Variants in PCDHA2 observed in about 807,000 individuals in gnomAD.
The protein encoded by PCDHA2 is protocadherin alpha-2.
PCDHA2 carries 58 observed loss-of-function variants against 66.0 expected under a neutral mutation model. The ratio of observed to expected loss-of-function variants is 0.88; its 90% CI spans 0.71 to 1.09. The LOEUF (loss-of-function observed/expected upper bound fraction) is 1.09. PCDHA2 is among the 50% of genes least tolerant of loss of function. The pLI, the probability that PCDHA2 is intolerant of heterozygous loss-of-function variation, is 0.00. For missense variants in PCDHA2, 1,267 were observed against 1,242.3 expected (o/e 1.02, Z -0.30); for synonymous variants, 634 against 554.0 (o/e 1.14, Z -2.03).
chr5:140,870,836 A>G (rs375475405), intron 1 of PCDHA2: 3 of 1,613,796 alleles, frequency 1.9e-6, no homozygotes, highest in Non-Finnish European at 2.5e-6. Flanking sequence ...GCAGTTAACA[A>G]GCTAGTACCG....
At chr5:140,941,310 CTTCT>C (rs2093024652) in intron 1 of PCDHA2, among the ~76,000 whole-genome samples, 1 of 79,250 alleles carries the variant, frequency 1.3e-5, no homozygotes, top group Non-Finnish European at 2.6e-5. Flanking sequence ...CTTTCTTTTT[CTTCT>C]TTCTCTTTTT....
chr5:140,973,125 G>A (rs1417014318), intron 1 of PCDHA2, among the ~76,000 whole-genome samples: 2 of 152,166 alleles, frequency 1.3e-5, no homozygotes, highest in African/African-American at 4.8e-5. Context: ...GATGAATTAA[G>A]TTTGCATTCA....
intron 1 of PCDHA2, chr5:140,849,976 T>A: frequency 1.3e-6 from 2 of 1,597,616 alleles, no homozygotes; most frequent in Non-Finnish European, 1.7e-6. Context: ...TCCTACTCGC[T>A]GGTGGAGCGG....
intron 1 of PCDHA2, among the ~76,000 whole-genome samples, chr5:140,941,246 T>C (rs1332165821): frequency 7.1e-6 from 1 of 141,078 alleles, no homozygotes; most frequent in East Asian, 2.0e-4. Flanking sequence ...TTTCTTTCTT[T>C]CTTTCTTTCT....
At chr5:140,949,290 G>C (rs552572317) in intron 1 of PCDHA2, among the ~76,000 whole-genome samples, 5 of 151,900 alleles carry the variant, frequency 3.3e-5, no homozygotes, top group South Asian at 2.1e-4. Flanking sequence ...TGTATATTCT[G>C]TAATTGTTGG....
At chr5:140,810,567 AT>A (rs1764684632) in intron 1 of PCDHA2, 1 of 152,250 alleles carries the variant, frequency 6.6e-6, no homozygotes, top group Admixed American at 6.5e-5. Flanking sequence ...TTATATTTAA[AT>A]GAAGTTGAGT....
At chr5:140,805,639 A>T (rs1291118758) in intron 1 of PCDHA2, 1 of 873,032 alleles carries the variant, frequency 1.1e-6, no homozygotes, top group Non-Finnish European at 1.4e-6. Context: ...TGGTTTATTT[A>T]TTGGGAAGTC....
At chr5:140,808,049 A>G in intron 1 of PCDHA2, 1 of 1,613,994 alleles carries the variant, frequency 6.2e-7, no homozygotes, top group African/African-American at 1.3e-5. Context: ...TATTTCGCCA[A>G]ATGTGAAATC....
intron 1 of PCDHA2, chr5:140,836,100 A>C (rs2150252810): frequency 8.7e-6 from 14 of 1,613,582 alleles, no homozygotes; most frequent in Non-Finnish European, 1.2e-5. Context: ...GGTGGGTGGC[A>C]CTGGTGGCGC....
rs2042381743 is a variant in PCDHA2 at position 140,852,581 on chromosome 5, T to A, written c.2388+55229T>A. ...GTGAGCCACTGTGCCAAGGCTTTTTTATTTTTTTTTTTTGTCATTTTCTTT... is the reference window on the plus strand; with the variant it reads ...GTGAGCCACTGTGCCAAGGCTTTTTAATTTTTTTTTTTTGTCATTTTCTTT... On this transcript the variant is annotated intron_variant, in intron 1 of 3. Transcript: ENST00000526136. 5 of 832,294 alleles carry A rather than the reference T, an allele frequency of 6.0e-6. 1 individual carries two copies. The highest frequency in any genetic ancestry group is 7.4e-6 in the Non-Finnish European group (5 of 678,338). 51.6% of individuals were successfully genotyped at this position (832,294 alleles called of 1,614,324 possible). A position where few individuals can be genotyped will look rare whatever the true frequency, so the allele number is the denominator to read the frequency against.
At chr5:140,870,746 T>A in intron 1 of PCDHA2, 1 of 1,613,488 alleles carries the variant, frequency 6.2e-7, no homozygotes, top group South Asian at 1.1e-5. Flanking sequence ...AGCAGCAACG[T>A]GACGCTGCAG....
chr5:140,822,987 C>T, intron 1 of PCDHA2: 4 of 1,614,254 alleles, frequency 2.5e-6, no homozygotes, highest in East Asian at 2.2e-5. Flanking sequence ...AGAATTACTA[C>T]TCGTTGGTGC....
intron 1 of PCDHA2, chr5:140,966,228 A>G: frequency 3.6e-6 from 1 of 275,386 alleles, no homozygotes; most frequent in Admixed American, 5.3e-5. Context: ...AATCTCCTTA[A>G]AGACCCGTTA....
chr5:140,984,392 G>C (rs914978799), intron 3 of PCDHA2, among the ~76,000 whole-genome samples: 1 of 152,156 alleles, frequency 6.6e-6, no homozygotes, highest in South Asian at 2.1e-4. Context: ...TTCAAAAAAT[G>C]TTGAGAACCT....
At chr5:140,946,342 A>G (rs2093932164) in intron 1 of PCDHA2, among the ~76,000 whole-genome samples, 1 of 151,846 alleles carries the variant, frequency 6.6e-6, no homozygotes, top group African/African-American at 2.4e-5. Context: ...CAAGTGATGG[A>G]GAGGATGTGG....
intron 1 of PCDHA2, chr5:140,801,434 G>T: frequency 6.2e-7 from 1 of 1,613,932 alleles, no homozygotes; most frequent in South Asian, 1.1e-5. Context: ...AGGTAAATCT[G>T]CAGAATGGCA....
At chr5:140,999,138 C>G (rs530740266) in intron 3 of PCDHA2, among the ~76,000 whole-genome samples, 1 of 152,258 alleles carries the variant, frequency 6.6e-6, no homozygotes, top group East Asian at 1.9e-4. Context: ...AATGTCACAG[C>G]CGGAAGTCTT....
chr5:140,860,946 C>A (rs1196605227), intron 1 of PCDHA2: 8 of 152,212 alleles, frequency 5.3e-5, no homozygotes, highest in African/African-American at 1.9e-4. Context: ...ACCGTGTTAG[C>A]CAGGATGGTC....
rs1434426263 is a variant in PCDHA2, at chr5:140,852,473, T to A, written c.2388+55121T>A. On this transcript the variant is annotated intron_variant, in intron 1 of 3. Coordinates refer to ENST00000526136, the MANE Select transcript of PCDHA2 (RefSeq NM_018905.3). ...TTGTATTTTTAGTAGAGATGGGGTT[T>A]CATCATGTTGGCCAGGTTGGTCTCG... 6 of 195,480 alleles carry A rather than the reference T, an allele frequency of 3.1e-5. 1 individual carries two copies. The highest frequency in any genetic ancestry group is 6.2e-5 in the Non-Finnish European group (6 of 97,540). 12.1% of individuals were successfully genotyped at this position (195,480 alleles called of 1,614,324 possible). A position where few individuals can be genotyped will look rare whatever the true frequency, so the allele number is the denominator to read the frequency against.
Sources: gnomAD v4.1 joint callset for allele counts (sites outside exome capture counted in the v4.1 genomes callset) on GRCh38, gnomAD v4.1.1 for gene constraint, MANE v1.5 for transcripts, NCBI Gene and HGNC (gene_info 2026-07-23, HGNC 2026-07-21) for gene names.